The following GRB10 variants were observed in gnomAD, a reference collection of about 807,000 sequenced individuals.
The protein encoded by GRB10 is growth factor receptor bound protein 10.
Under a neutral mutation model 80.9 loss-of-function variants are expected in GRB10, and 20 were observed. That is an observed-to-expected ratio of 0.25 (90% CI 0.17 to 0.36). The LOEUF (loss-of-function observed/expected upper bound fraction) is 0.36. Among genes scored for constraint, GRB10 ranks in the 10% least tolerant of loss-of-function variants. The probability of loss-of-function intolerance (pLI) is 1.00; values close to 1 mark genes in which losing one functional copy is unlikely to be tolerated. For synonymous variants in GRB10, 291 were observed against 291.5 expected, an observed-to-expected ratio of 1.00 and a Z score of 0.02; for missense variants, 548 against 747.7, an observed-to-expected ratio of 0.73 and a Z score of 3.12.
At chr7:50,604,823 G>A (rs542665605) in intron 15 of GRB10, 141 of 297,898 alleles carry the variant, frequency 4.7e-4, no homozygotes, top group African/African-American at 2.8e-3. Context: ...TGGCCTTTAA[G>A]TCTCAGGACT....
intron 5 of GRB10, among the ~76,000 whole-genome samples, chr7:50,677,660 T>C (rs1002977667): frequency 6.6e-6 from 1 of 152,244 alleles, no homozygotes; most frequent in Non-Finnish European, 1.5e-5. Flanking sequence ...GAATAGCTGC[T>C]TAATTGAAGC....
chr7:50,718,634 C>T (rs1285130150), intron 4 of GRB10, among the ~76,000 whole-genome samples: 1 of 152,180 alleles, frequency 6.6e-6, no homozygotes, highest in Non-Finnish European at 1.5e-5. Flanking sequence ...TTGAGGACCA[C>T]AGATCTAACT....
intron 4 of GRB10, among the ~76,000 whole-genome samples, chr7:50,712,842 A>G (rs1221260722): frequency 6.6e-6 from 1 of 152,258 alleles, no homozygotes; most frequent in African/African-American, 2.4e-5. Flanking sequence ...TATAAATTAC[A>G]TAACATAAAT....
At chr7:50,685,026 GCT>G (rs1454059437) in intron 5 of GRB10, among the ~76,000 whole-genome samples, 1 of 152,138 alleles carries the variant, frequency 6.6e-6, no homozygotes, top group Non-Finnish European at 1.5e-5. Context: ...CTAGCACTGT[GCT>G]CTCTCAGAAA....
At chr7:50,603,315 G>C (rs929347394) in intron 17 of GRB10, among the ~76,000 whole-genome samples, 29 of 152,200 alleles carry the variant, frequency 1.9e-4, no homozygotes, top group African/African-American at 7.0e-4. Context: ...GGTCATTCAA[G>C]TGTGGTCTTG....
At chr7:50,642,907 T>C (rs191334551) in intron 7 of GRB10, among the ~76,000 whole-genome samples, 43 of 152,308 alleles carry the variant, frequency 2.8e-4, no homozygotes, top group African/African-American at 9.4e-4. Context: ...TGTAGAATGA[T>C]AGACAAACTG....
At chr7:50,761,100 C>T (rs1290961837) in intron 2 of GRB10, among the ~76,000 whole-genome samples, 1 of 152,138 alleles carries the variant, frequency 6.6e-6, no homozygotes, top group Non-Finnish European at 1.5e-5. Flanking sequence ...GCACTGTTAC[C>T]TCATTTTACA....
intron 3 of GRB10, among the ~76,000 whole-genome samples, chr7:50,742,312 C>T (rs1289116327): frequency 7.2e-6 from 1 of 138,222 alleles, no homozygotes; most frequent in African/African-American, 2.7e-5. Context: ...CACACACACA[C>T]ACATACACGG....
chr7:50,755,311 A>T (rs757221425), intron 3 of GRB10, among the ~76,000 whole-genome samples: 7 of 152,156 alleles, frequency 4.6e-5, no homozygotes, highest in Non-Finnish European at 8.8e-5. Context: ...CCATTCCCAG[A>T]AAGGGCCACC....
chr7:50,714,920 T>C (rs1417790334), intron 4 of GRB10, among the ~76,000 whole-genome samples: 4 of 152,072 alleles, frequency 2.6e-5, no homozygotes, highest in Admixed American at 2.0e-4. Flanking sequence ...CACACCCACA[T>C]TCTTCCCCCA....
intron 4 of GRB10, among the ~76,000 whole-genome samples, chr7:50,710,009 T>A (rs2065650401): frequency 6.6e-6 from 1 of 152,006 alleles, no homozygotes; most frequent in African/African-American, 2.4e-5. Flanking sequence ...CGGCCCTGGG[T>A]GCTCACTATG....
chr7:50,626,754 A>ATTTG lies in GRB10; in HGVS notation c.661+67_661+68insCAAA, dbSNP rs2052978754. 6 of 1,571,982 alleles carry ATTTG rather than the reference A, an allele frequency of 3.8e-6. No individual in the cohort carries two copies. In the African/African-American group the frequency reaches 8.1e-5, roughly 21 times the overall value. Reference sequence around the variant, plus strand: ...TGCGGTCACACATTTGGCATTTGGCAGCAGCAGTCTTCATTCAATTGCACA... The same window carrying ATTTG: ...TGCGGTCACACATTTGGCATTTGGCATTTGGCAGCAGTCTTCATTCAATTGCACA... On this transcript the variant is annotated intron_variant, in intron 8 of 18. Transcript: ENST00000401949.
At chr7:50,677,685 A>AGC in intron 5 of GRB10, among the ~76,000 whole-genome samples, 1 of 152,338 alleles carries the variant, frequency 6.6e-6, no homozygotes, top group Non-Finnish European at 1.5e-5. Flanking sequence ...CAAAACAATT[A>AGC]GCACGAGCGC....
At chr7:50,623,562 A>G (rs1482215638) in intron 8 of GRB10, among the ~76,000 whole-genome samples, 1 of 152,200 alleles carries the variant, frequency 6.6e-6, no homozygotes, top group Non-Finnish European at 1.5e-5. Context: ...GTTGCTGCCA[A>G]TGGAGGGTGA....
rs2045968671 is a variant in GRB10 at position 50,592,784 on chromosome 7, C to T, written c.*168G>A. On this transcript the variant is annotated 3_prime_UTR_variant, in exon 19 of 19. Transcript: ENST00000401949. ...TGCTGGGTTCACAGCAGCAAATCGT[C>T]GTTTAAGTCCAACAAACTAGTCAAT... 8 of 781,056 alleles carry T rather than the reference C, an allele frequency of 1.0e-5. No individual in the cohort carries two copies. Among genetic ancestry groups the T allele is most frequent in the South Asian group, 1.6e-5 (1 of 61,598 alleles). 48.4% of individuals were successfully genotyped at this position (781,056 alleles called of 1,614,324 possible).
chr7:50,703,284 A>G (rs1398839447), intron 5 of GRB10, among the ~76,000 whole-genome samples: 2 of 152,230 alleles, frequency 1.3e-5, no homozygotes, highest in Non-Finnish European at 2.9e-5. Context: ...ATTTCATTCT[A>G]TTTAATCCTC....
At chr7:50,758,113 C>A (rs1369650974) in intron 2 of GRB10, among the ~76,000 whole-genome samples, 1 of 152,152 alleles carries the variant, frequency 6.6e-6, no homozygotes, top group Non-Finnish European at 1.5e-5. Flanking sequence ...TAGTAAGATA[C>A]AATGCCTCCT....
At chr7:50,683,062 GA>G (rs2061715592) in intron 5 of GRB10, among the ~76,000 whole-genome samples, 1 of 152,172 alleles carries the variant, frequency 6.6e-6, no homozygotes, top group African/African-American at 2.4e-5. Context: ...CCCAAAGGCG[GA>G]AACAGCACAA....
At chr7:50,777,144 C>G in intron 2 of GRB10, among the ~76,000 whole-genome samples, 1 of 152,138 alleles carries the variant, frequency 6.6e-6, no homozygotes, top group East Asian at 1.9e-4. Context: ...AAGATCAAGG[C>G]ACTGGGGTTC....
Sources: gnomAD v4.1 joint callset for allele counts (sites outside exome capture counted in the v4.1 genomes callset) on GRCh38, gnomAD v4.1.1 for gene constraint, MANE v1.5 for transcripts, NCBI Gene and HGNC (gene_info 2026-07-23, HGNC 2026-07-21) for gene names.